The following RAB3IP variants were observed in gnomAD, a reference collection of about 807,000 sequenced individuals.
RAB3IP encodes the protein RAB3A interacting protein.
Under a neutral mutation model 59.1 loss-of-function variants are expected in RAB3IP, and 36 were observed. The ratio of observed to expected loss-of-function variants is 0.61; its 90% confidence interval spans 0.47 to 0.80. The LOEUF is 0.80. Among genes scored for constraint, RAB3IP ranks in the 30% least tolerant of loss-of-function variants. The pLI, the probability that RAB3IP is intolerant of heterozygous loss-of-function variation, is 0.00. For synonymous variants in RAB3IP, 207 were observed against 191.2 expected (o/e 1.08, Z -0.68); for missense variants, 511 against 536.0 (o/e 0.95, Z 0.46).
At chr12:69,810,964 A>C (rs906562995) in intron 8 of RAB3IP, among the ~76,000 whole-genome samples, 1 of 152,216 alleles carries the variant, frequency 6.6e-6, no homozygotes, top group Non-Finnish European at 1.5e-5. Context: ...GGCTTAACTA[A>C]AAATACATTA....
intron 3 of RAB3IP, among the ~76,000 whole-genome samples, chr12:69,784,441 A>G (rs558494775): frequency 2.3e-3 from 343 of 149,808 alleles, no homozygotes; most frequent in African/African-American, 8.1e-3. Flanking sequence ...CACCTGTAAT[A>G]TATATTATAT....
intron 8 of RAB3IP, among the ~76,000 whole-genome samples, chr12:69,809,009 A>G (rs1485771934): frequency 1.3e-5 from 2 of 151,528 alleles, no homozygotes; most frequent in East Asian, 1.9e-4. Flanking sequence ...GGTCTTTACA[A>G]TTTGGCATGT....
chr12:69,756,212 A>AATATGAATG (rs1007803528), intron 2 of RAB3IP, among the ~76,000 whole-genome samples, 193 bp from the exon 3 acceptor site: 1 of 152,218 alleles, frequency 6.6e-6, no homozygotes, highest in Non-Finnish European at 1.5e-5. Context: ...TGTGCTATCT[A>AATATGAATG]ATATGAATGA....
rs1881134111 is a variant in RAB3IP, at chr12:69,816,303, T to C, written c.*857T>C. On this transcript the variant is annotated 3_prime_UTR_variant, in exon 11 of 11. Transcript: ENST00000247833. ...CTGGAGAAATTATAACAAAGAGGTT[T>C]GTGGTAGACATGTAATAAGTATAGA... 1 of 152,204 alleles carries C rather than the reference T, an allele frequency of 6.6e-6. No individual in the cohort carries two copies. 9.4% of individuals were successfully genotyped at this position (152,204 alleles called of 1,614,324 possible). A position where few individuals can be genotyped will look rare whatever the true frequency, so the allele number is the denominator to read the frequency against.
upstream of RAB3IP, chr12:69,738,577 CGAAA>C (rs1333613589): frequency 1.2e-5 from 1 of 81,290 alleles, no homozygotes; most frequent in Non-Finnish European, 3.4e-5. Context: ...TCGGGCCCGG[CGAAA>C]CAGAGCGCGG....
chr12:69,748,071 G>T (rs1277769198), intron 1 of RAB3IP, among the ~76,000 whole-genome samples: 3 of 141,252 alleles, frequency 2.1e-5, no homozygotes, highest in South Asian at 2.2e-4. Context: ...CACAGCTTTA[G>T]TTTTTTTTTT....
At chr12:69,801,537 C>A in intron 7 of RAB3IP, 72 bp from the exon 8 acceptor site, 2 of 783,374 alleles carry the variant, frequency 2.6e-6, no homozygotes. Flanking sequence ...TTATAAAATT[C>A]GTTTACTGTA....
intron 1 of RAB3IP, among the ~76,000 whole-genome samples, chr12:69,751,051 A>G (rs1592446943): frequency 6.6e-6 from 1 of 152,358 alleles, no homozygotes; most frequent in East Asian, 1.9e-4. Context: ...CAGGAAAGCC[A>G]GATAAAATAC....
intron 1 of RAB3IP, chr12:69,739,917 T>C: frequency 6.3e-7 from 1 of 1,588,562 alleles, no homozygotes; most frequent in Non-Finnish European, 8.6e-7. Context: ...TACTGATTAC[T>C]GAGAGGCAAT....
intron 8 of RAB3IP, among the ~76,000 whole-genome samples, chr12:69,802,526 G>A (rs1482348834): frequency 6.6e-6 from 1 of 152,196 alleles, no homozygotes; most frequent in Admixed American, 6.5e-5. Context: ...GCCTAAAACC[G>A]TGGCATAATT....
chr12:69,781,687 T>C (rs1291797679), intron 3 of RAB3IP, among the ~76,000 whole-genome samples: 1 of 152,016 alleles, frequency 6.6e-6, no homozygotes, highest in Admixed American at 6.5e-5. Flanking sequence ...TTCTTTTATG[T>C]CTTTTCATGG....
intron 8 of RAB3IP, among the ~76,000 whole-genome samples, chr12:69,803,924 G>A (rs1819387099): frequency 6.6e-6 from 1 of 152,166 alleles, no homozygotes; most frequent in South Asian, 2.1e-4. Context: ...TTGGTTCCAA[G>A]TCTTTGCTAT....
intron 6 of RAB3IP, among the ~76,000 whole-genome samples, chr12:69,799,023 A>G (rs1377354714): frequency 1.3e-5 from 2 of 152,216 alleles, no homozygotes; most frequent in Non-Finnish European, 2.9e-5. Flanking sequence ...GTAACTTTAC[A>G]AAGAAAATGC....
chr12:69,789,224 AGTTT>A (rs1265633021), intron 4 of RAB3IP, among the ~76,000 whole-genome samples: 1 of 151,980 alleles, frequency 6.6e-6, no homozygotes, highest in Non-Finnish European at 1.5e-5. Flanking sequence ...AGAAAACCCG[AGTTT>A]GTTTCTTGAA....
Position 69,794,532 on chromosome 12 carries a change from T to G in RAB3IP, c.684+18T>G. 1 of 1,582,306 alleles carries G rather than the reference T, an allele frequency of 6.3e-7. No homozygotes were observed. Among genetic ancestry groups the G allele is most frequent in the Non-Finnish European group, 8.6e-7 (1 of 1,157,172 alleles). Reference sequence around the variant, plus strand: ...AAGGAAAAGTGAGTTTTTGCAGCTCTTAATAGTATAAAATAAATTTGTGAT... The same window carrying G: ...AAGGAAAAGTGAGTTTTTGCAGCTCGTAATAGTATAAAATAAATTTGTGAT... On this transcript the variant is annotated intron_variant, in intron 5 of 10. Coordinates refer to ENST00000247833, the MANE Select transcript of RAB3IP (RefSeq NM_022456.5).
Position 69,820,554 on chromosome 12 carries a change from A to AAG in RAB3IP, c.*5109_*5110insGA, listed in dbSNP as rs1491130553. On this transcript the variant is annotated 3_prime_UTR_variant, in exon 11 of 11. Transcript: ENST00000247833. ...TTGAGTGGCTTCCCATTGCACTTAG[A>AAG]AAAAAAAAAAAAAAAAAAAACTGGC... The AAG allele has an allele frequency of 7.8e-5, 4 of 51,420 alleles. No homozygotes were observed. Among genetic ancestry groups the AAG allele is most frequent in the African/African-American group, 4.4e-4 (3 of 6,770 alleles). The allele number at this position is 51,420 out of a possible 1,614,324, so 3.2% of individuals were successfully genotyped here. A position where few individuals can be genotyped will look rare whatever the true frequency, so the allele number is the denominator to read the frequency against.
In RAB3IP at chr12:69,815,652, C is replaced by A; in HGVS notation, c.*206C>A. ...TAGTTGAACACACTATGAAGAATTC[C>A]AGGTGTACTAGTGAATGTAATTTAT... On this transcript the variant is annotated 3_prime_UTR_variant, in exon 11 of 11. Transcript: ENST00000247833. 3 of 360,208 alleles carry A rather than the reference C, an allele frequency of 8.3e-6. No homozygotes were observed. The highest frequency in any genetic ancestry group is 9.8e-5 in the South Asian group (1 of 10,164). 22.3% of individuals were successfully genotyped at this position (360,208 alleles called of 1,614,324 possible).
chr12:69,739,748 T>A (rs1887095846), intron 1 of RAB3IP: 1 of 1,308,158 alleles, frequency 7.6e-7, no homozygotes, highest in South Asian at 1.2e-5. Context: ...CTCCCAGCGT[T>A]GACAACTCGC....
At chr12:69,810,081 A>G (rs918172145) in intron 8 of RAB3IP, among the ~76,000 whole-genome samples, 4 of 152,092 alleles carry the variant, frequency 2.6e-5, no homozygotes, top group Non-Finnish European at 4.4e-5. Flanking sequence ...TTTTTGGTGC[A>G]GATGTCCTTT....
Sources: allele counts gnomAD v4.1 joint callset (sites outside exome capture counted in the v4.1 genomes callset), GRCh38; gene constraint gnomAD v4.1.1; transcripts MANE v1.5; gene names NCBI Gene and HGNC (gene_info 2026-07-23, HGNC 2026-07-21).